XKR4: variants seen among roughly 807,000 people sequenced by gnomAD.
The protein encoded by XKR4 is XK related 4.
In XKR4, 12 loss-of-function variants were observed where a neutral mutation model predicts 53.9. That is an observed-to-expected ratio of 0.22 (90% confidence interval 0.14 to 0.36). The LOEUF (loss-of-function observed/expected upper bound fraction) is 0.36. XKR4 is among the 10% of genes least tolerant of loss of function. The pLI is 1.00. For synonymous variants in XKR4, 354 were observed against 362.4 expected, an observed-to-expected ratio of 0.98 and a Z score of 0.26; for missense variants, 799 against 859.5, an observed-to-expected ratio of 0.93 and a Z score of 0.88.
At chr8:55,239,093 G>A (rs565317512) in intron 1 of XKR4, among the ~76,000 whole-genome samples, 62 of 152,244 alleles carry the variant, frequency 4.1e-4, no homozygotes, top group African/African-American at 1.5e-3. Context: ...ATAAAAAACT[G>A]TAATAATTTG....
At chr8:55,412,283 C>T (rs180858301) in intron 2 of XKR4, among the ~76,000 whole-genome samples, 3 of 152,298 alleles carry the variant, frequency 2.0e-5, no homozygotes, top group Admixed American at 2.0e-4. Context: ...CTCTCTAAAG[C>T]TGCAGTGGGA....
intron 1 of XKR4, among the ~76,000 whole-genome samples, chr8:55,228,145 C>G (rs1468197689): frequency 2.0e-5 from 3 of 152,096 alleles, no homozygotes; most frequent in African/African-American, 4.8e-5. Flanking sequence ...GACCTCAGTC[C>G]AGGTGATCCA....
At position 55,525,156 on chromosome 8, in the gene XKR4, G is replaced by A. The variant is rs1057336821; in HGVS notation, c.*929G>A. 2.6e-5 allele frequency: 4 copies of A among 152,638 alleles called. No homozygotes were observed. Among genetic ancestry groups the A allele is most frequent in the African/African-American group, 7.2e-5 (3 of 41,446 alleles). The allele number at this position is 152,638 out of a possible 1,614,324, so 9.5% of individuals were successfully genotyped here. ...GCGGCGCGAGCCAGAGGAATGGGCT[G>A]GAACCGGATCTGTTTCCAGACGCAG... On this transcript the variant is annotated 3_prime_UTR_variant, in exon 3 of 3. Coordinates refer to ENST00000327381, the MANE Select transcript of XKR4 (RefSeq NM_052898.2).
At chr8:55,286,037 C>A (rs553625515) in intron 1 of XKR4, among the ~76,000 whole-genome samples, 9 of 152,334 alleles carry the variant, frequency 5.9e-5, no homozygotes, top group South Asian at 2.1e-4. Flanking sequence ...AGTCTATCTG[C>A]CGAGCTGCAC....
rs79242106 is a variant in XKR4, at chr8:55,348,220, C to T, written c.807-9458C>T. On this transcript the variant is annotated intron_variant, in intron 1 of 2. Coordinates refer to ENST00000327381, the MANE Select transcript of XKR4 (RefSeq NM_052898.2). The stretch of plus-strand genomic sequence containing the variant: ...ACAAGGACCGAAGACGTTAAATCAC[C>T]TCAGTTATGAGGGGGGAAAAGACCA... Among the ~76,000 whole-genome samples the T allele has an allele frequency of 2.2e-3, 338 of 152,262 alleles. 1 individual carries two copies. The highest frequency in any genetic ancestry group is 7.7e-3 in the African/African-American group (320 of 41,554).
At chr8:55,220,284 A>G (rs1323832431) in intron 1 of XKR4, among the ~76,000 whole-genome samples, 1 of 152,236 alleles carries the variant, frequency 6.6e-6, no homozygotes, top group East Asian at 1.9e-4. Flanking sequence ...AATCAAATGA[A>G]TAGAATAAAC....
chr8:55,479,210 C>A (rs987815340), intron 2 of XKR4, among the ~76,000 whole-genome samples: 2 of 152,084 alleles, frequency 1.3e-5, no homozygotes, highest in Non-Finnish European at 2.9e-5. Flanking sequence ...TCTCAGACCA[C>A]AGTGCAATCA....
intron 1 of XKR4, among the ~76,000 whole-genome samples, chr8:55,255,447 A>G (rs373663783): frequency 6.6e-6 from 1 of 152,174 alleles, no homozygotes; most frequent in East Asian, 1.9e-4. Flanking sequence ...TTTTATTTTC[A>G]TCCAATTACC....
intron 2 of XKR4, among the ~76,000 whole-genome samples, chr8:55,405,268 G>T (rs1224231614): frequency 1.3e-5 from 2 of 152,184 alleles, no homozygotes; most frequent in Non-Finnish European, 2.9e-5. Flanking sequence ...GGATGGGCAA[G>T]CTGAGAGGGG....
chr8:55,196,634 T>C (rs1250682661), intron 1 of XKR4, among the ~76,000 whole-genome samples: 1 of 152,248 alleles, frequency 6.6e-6, no homozygotes, highest in Non-Finnish European at 1.5e-5. Context: ...CATGGTTTGC[T>C]TAAATAATGT....
intron 1 of XKR4, among the ~76,000 whole-genome samples, chr8:55,169,022 T>C (rs756785897): frequency 1.3e-5 from 2 of 152,220 alleles, no homozygotes; most frequent in Non-Finnish European, 2.9e-5. Flanking sequence ...TTTCAAATCA[T>C]GTTCTTTTAA....
chr8:55,216,340 C>T (rs1817796690), intron 1 of XKR4, among the ~76,000 whole-genome samples: 1 of 152,212 alleles, frequency 6.6e-6, no homozygotes, highest in Non-Finnish European at 1.5e-5. Context: ...TGCTTGCTAT[C>T]AAGCCCTAGT....
At chr8:55,516,612 C>CA (rs1158460676) in intron 2 of XKR4, among the ~76,000 whole-genome samples, 3 of 151,704 alleles carry the variant, frequency 2.0e-5, no homozygotes, top group Non-Finnish European at 2.9e-5. Context: ...ATTAAAAAGT[C>CA]AAAAAAACAA....
At chr8:55,330,889 T>G (rs561389194) in intron 1 of XKR4, among the ~76,000 whole-genome samples, 11 of 152,318 alleles carry the variant, frequency 7.2e-5, no homozygotes, top group African/African-American at 2.4e-4. Flanking sequence ...GATCTGCATT[T>G]TGTACAAGTT....
chr8:55,375,847 G>A lies in XKR4; in HGVS notation c.1006+17970G>A, dbSNP rs771030173. Reference sequence around the variant, plus strand: ...ACCCATCACCTAGGTATTAAGCCCCGCATGCGTTAGCTCTTTTCCCTGATG... The same window carrying A: ...ACCCATCACCTAGGTATTAAGCCCCACATGCGTTAGCTCTTTTCCCTGATG... On this transcript the variant is annotated intron_variant, in intron 2 of 2. Coordinates refer to ENST00000327381, the MANE Select transcript of XKR4 (RefSeq NM_052898.2). Among the ~76,000 whole-genome samples the A allele has an allele frequency of 4.6e-5, 7 of 151,960 alleles. No individual in the cohort carries two copies. In the South Asian group the frequency reaches 6.2e-4, roughly 14 times the overall value.
chr8:55,235,600 A>G (rs866034674), intron 1 of XKR4, among the ~76,000 whole-genome samples: 1 of 152,190 alleles, frequency 6.6e-6, no homozygotes, highest in Non-Finnish European at 1.5e-5. Context: ...AGGTATGTTT[A>G]CAAGAACATT....
intron 2 of XKR4, among the ~76,000 whole-genome samples, chr8:55,442,473 C>A (rs559604638): frequency 6.6e-6 from 1 of 152,326 alleles, no homozygotes; most frequent in East Asian, 1.9e-4. Context: ...AGCCAGCAAT[C>A]CCATTCCTAG....
At chr8:55,277,039 G>A (rs950833827) in intron 1 of XKR4, among the ~76,000 whole-genome samples, 36 of 152,222 alleles carry the variant, frequency 2.4e-4, no homozygotes, top group African/African-American at 8.0e-4. Context: ...GAGTCTGACA[G>A]CACTTAGGAG....
intron 1 of XKR4, among the ~76,000 whole-genome samples, chr8:55,233,751 A>G (rs1308515026): frequency 6.6e-6 from 1 of 152,272 alleles, no homozygotes; most frequent in African/African-American, 2.4e-5. Flanking sequence ...CATTTGCTTT[A>G]GCCTTTCATT....
Sources: gnomAD v4.1 joint callset for allele counts (sites outside exome capture counted in the v4.1 genomes callset) on GRCh38, gnomAD v4.1.1 for gene constraint, MANE v1.5 for transcripts, NCBI Gene and HGNC (gene_info 2026-07-23, HGNC 2026-07-21) for gene names.